The following PRUNE2 variants were observed in gnomAD, a reference collection of about 807,000 sequenced individuals.
PRUNE2 encodes prune homolog 2 with BCH domain.
In PRUNE2, 164 loss-of-function variants were observed where a neutral mutation model predicts 252.0. That is an observed-to-expected ratio of 0.65 (90% CI 0.57 to 0.74). The LOEUF is 0.74. Ranked by LOEUF, PRUNE2 falls within the 30% of genes least tolerant of loss-of-function variation. The pLI, the probability that PRUNE2 is intolerant of heterozygous loss-of-function variation, is 0.00. For synonymous variants in PRUNE2, 1,292 were observed against 1,350.2 expected (o/e 0.96, Z 0.94); for missense variants, 3,495 against 3,711.0 (o/e 0.94, Z 1.51).
chr9:76,879,759 C>G lies in PRUNE2; in HGVS notation c.37-25551G>C, dbSNP rs530891047. On this transcript the variant is annotated intron_variant, in intron 1 of 18. Coordinates refer to ENST00000376718, the MANE Select transcript of PRUNE2 (RefSeq NM_015225.3). ...AGAGAAGCATTCTCAGCAAAGGGTA[C>G]AGCAAAGACCCTGAGGTGGAGGTAT... Among the ~76,000 whole-genome samples, 58 of 150,876 alleles carry G rather than the reference C, an allele frequency of 3.8e-4. No individual in the cohort carries two copies. In the South Asian group the frequency reaches 0.012, roughly 31 times the overall value.
chr9:76,692,268 G>A (rs1164795442), intron 9 of PRUNE2: 7 of 671,138 alleles, frequency 1.0e-5, no homozygotes, highest in Non-Finnish European at 1.6e-5. Context: ...CTGTGGCTAG[G>A]GGGCACAGCT....
At chr9:76,691,974 C>A in intron 9 of PRUNE2, 1 of 679,270 alleles carries the variant, frequency 1.5e-6, no homozygotes, top group South Asian at 1.6e-5. Context: ...CCCCCGCCAA[C>A]TTCCCAGCAG....
At chr9:76,892,130 G>A (rs1001658638) in intron 1 of PRUNE2, among the ~76,000 whole-genome samples, 1 of 152,184 alleles carries the variant, frequency 6.6e-6, no homozygotes, top group African/African-American at 2.4e-5. Flanking sequence ...CACAGTTTCT[G>A]TTACGCTTGT....
At chr9:76,687,635 T>C (rs2044236503) in intron 9 of PRUNE2, 1 of 425,618 alleles carries the variant, frequency 2.3e-6, no homozygotes, top group East Asian at 7.4e-5. Flanking sequence ...CACTGTTTGT[T>C]TCTCAGGCCA....
intron 6 of PRUNE2, among the ~76,000 whole-genome samples, chr9:76,803,935 G>A (rs1304460274): frequency 1.3e-5 from 2 of 152,150 alleles, no homozygotes; most frequent in Admixed American, 1.3e-4. Context: ...CTAGACAACT[G>A]GAATGCATTT....
chr9:76,865,806 T>TACACACACACACACAC (rs34661457), intron 1 of PRUNE2, among the ~76,000 whole-genome samples: 1 of 127,152 alleles, frequency 7.9e-6, no homozygotes, highest in Non-Finnish European at 1.7e-5. Context: ...TCTCTCTCCC[T>TACACACACACACACAC]ACACACACAC....
intron 1 of PRUNE2, among the ~76,000 whole-genome samples, chr9:76,872,756 T>C (rs1322717659): frequency 1.3e-5 from 2 of 152,040 alleles, no homozygotes; most frequent in Non-Finnish European, 2.9e-5. Flanking sequence ...CAAAAGTGTG[T>C]ATGTGTGTTA....
chr9:76,821,355 T>A (rs2058029601), intron 6 of PRUNE2, among the ~76,000 whole-genome samples: 1 of 152,116 alleles, frequency 6.6e-6, no homozygotes, highest in Non-Finnish European at 1.5e-5. Context: ...TAAAGTGAGG[T>A]TAATGGGAAT....
At chr9:76,831,519 C>T (rs2058675848) in intron 4 of PRUNE2, among the ~76,000 whole-genome samples, 1 of 151,702 alleles carries the variant, frequency 6.6e-6, no homozygotes, top group Non-Finnish European at 1.5e-5. Flanking sequence ...AATTAAAATA[C>T]ATTTTAATAG....
At chr9:76,837,089 T>C (rs2059026711) in intron 4 of PRUNE2, among the ~76,000 whole-genome samples, 1 of 152,062 alleles carries the variant, frequency 6.6e-6, no homozygotes, top group South Asian at 2.1e-4. Flanking sequence ...TCAGCATGCA[T>C]AGAAAAGAAA....
intron 6 of PRUNE2, among the ~76,000 whole-genome samples, chr9:76,810,037 T>C (rs1363497758): frequency 2.6e-5 from 4 of 152,284 alleles, no homozygotes; most frequent in African/African-American, 9.6e-5. Context: ...CCCTTTTGGT[T>C]TGGGATAAAA....
chr9:76,625,437 G>A (rs1834264827), intron 16 of PRUNE2, among the ~76,000 whole-genome samples: 1 of 152,108 alleles, frequency 6.6e-6, no homozygotes, highest in African/African-American at 2.4e-5. Flanking sequence ...TCACTATGAT[G>A]TCTACACAAT....
rs978219257 is a variant in PRUNE2, at chr9:76,710,078, G to T, written c.2196C>A (p.Asp732Glu). The T allele has an allele frequency of 9.9e-6, 16 of 1,613,778 alleles. No individual in the cohort carries two copies. The Admixed American group carries it at 1.7e-4, about 17-fold the overall frequency. Residue 732 changes from aspartate (D) to glutamate (E), a missense_variant, in exon 8 of 19, where the codon GAC becomes GAA. Transcript: ENST00000376718. ...QPELGSNDIQDKNEESLPFQN... is the reference protein window; with the variant it reads ...QPELGSNDIQEKNEESLPFQN... ...GGAACGGCAAGCTTTCCTCATTTTT[G>T]TCTTGAATATCATTGCTACCCAGTT...
chr9:76,673,739 G>C (rs1370348385), intron 9 of PRUNE2, among the ~76,000 whole-genome samples: 5 of 142,444 alleles, frequency 3.5e-5, no homozygotes, highest in South Asian at 2.3e-4. Flanking sequence ...GGGATGCAAG[G>C]CTGGTTCAAT....
At chr9:76,881,910 C>G (rs7020781) in intron 1 of PRUNE2, among the ~76,000 whole-genome samples, 1 of 151,922 alleles carries the variant, frequency 6.6e-6, no homozygotes, top group Non-Finnish European at 1.5e-5. Context: ...TGTGAGCCAC[C>G]GCACCTGGCC....
chr9:76,804,991 C>T (rs2056831987), intron 6 of PRUNE2, among the ~76,000 whole-genome samples: 1 of 152,190 alleles, frequency 6.6e-6, no homozygotes, highest in African/African-American at 2.4e-5. Context: ...GGAGGCCAGT[C>T]TCCTTCCTCA....
At position 76,711,161 on chromosome 9, in the gene PRUNE2, G is replaced by A. The variant is rs1003569406; in HGVS notation, c.1113C>T (p.Ala371=). The A allele has an allele frequency of 6.2e-6, 10 of 1,613,836 alleles. No homozygotes were observed. Among genetic ancestry groups the A allele is most frequent in the Admixed American group, 1.7e-5 (1 of 59,982 alleles). ...VSNSRTSSTE[A]VAGSAPLSQG... is the part of the protein sequence containing the mutation. ...GGGAGAGGGGGGCACTGCCTGCCAC[G>A]GCTTCTGTTGAGGATGTCCGGCTAT... Residue 371 remains alanine, a synonymous_variant, in exon 8 of 19, where the codon GCC becomes GCT. Transcript: ENST00000376718.
chr9:76,660,240 A>C (rs995415398), intron 9 of PRUNE2, among the ~76,000 whole-genome samples: 2 of 152,190 alleles, frequency 1.3e-5, no homozygotes, highest in African/African-American at 4.8e-5. Flanking sequence ...CCTAGACCTG[A>C]ACTTCTATAT....
rs1402472645 is a variant in PRUNE2 at position 76,669,322 on chromosome 9, T to C, written c.8277-13820A>G. 1.2e-4 allele frequency among the ~76,000 whole-genome samples: 3 copies of C among 25,668 alleles called. No homozygotes were observed. The South Asian group carries it at 3.5e-3, about 30-fold the overall frequency. 16.8% of individuals were successfully genotyped at this position (25,668 alleles called of 152,430 possible). On this transcript the variant is annotated intron_variant, in intron 9 of 18. Coordinates refer to ENST00000376718, the MANE Select transcript of PRUNE2 (RefSeq NM_015225.3). The stretch of plus-strand genomic sequence containing the variant: ...CTCAAGAATGTTCTTTTCTTTTCCT[T>C]TTTCTTTTTTTTTTGAGATGAAGTT...
Sources: allele counts gnomAD v4.1 joint callset (sites outside exome capture counted in the v4.1 genomes callset), GRCh38; gene constraint gnomAD v4.1.1; transcripts MANE v1.5; gene names NCBI Gene and HGNC (gene_info 2026-07-23, HGNC 2026-07-21).